The following LRRC37A2 variants were observed in gnomAD, a reference collection of about 807,000 sequenced individuals.
The protein encoded by LRRC37A2 is leucine-rich repeat-containing protein 37A2.
Under a neutral mutation model 68.8 loss-of-function variants are expected in LRRC37A2, and 9 were observed. That is an observed-to-expected ratio of 0.13 (90% CI 0.08 to 0.23). The LOEUF (loss-of-function observed/expected upper bound fraction) is 0.23, where lower values mean the gene tolerates loss of function less well. LRRC37A2 is among the 10% of genes least tolerant of loss of function. The pLI, the probability that LRRC37A2 is intolerant of heterozygous loss-of-function variation, is 1.00. For missense variants in LRRC37A2, 168 were observed against 950.4 expected, an observed-to-expected ratio of 0.18 and a Z score of 10.82; for synonymous variants, 63 against 367.6, an observed-to-expected ratio of 0.17 and a Z score of 9.48.
At chr17:46,782,811 C>T in the LRRC37A2 span, among the ~76,000 whole-genome samples, 2 of 152,354 alleles carry the variant, frequency 1.3e-5, no homozygotes, top group African/African-American at 4.8e-5. Context: ...AGAAACCTAG[C>T]TCAGGATTCC....
the LRRC37A2 span, among the ~76,000 whole-genome samples, chr17:46,491,043 C>T: frequency 3.1e-4 from 47 of 150,600 alleles, no homozygotes; most frequent in Admixed American, 5.9e-4. Context: ...TACAGGTGCT[C>T]GCTGCCACAC....
At chr17:46,906,888 C>A in the LRRC37A2 span, among the ~76,000 whole-genome samples, 2 of 152,118 alleles carry the variant, frequency 1.3e-5, no homozygotes, top group African/African-American at 4.8e-5. Flanking sequence ...CAGATGTGTG[C>A]CAGGCACTGT....
the LRRC37A2 span, among the ~76,000 whole-genome samples, chr17:46,878,993 C>T: frequency 6.6e-6 from 1 of 152,196 alleles, no homozygotes; most frequent in Non-Finnish European, 1.5e-5. Flanking sequence ...AGACCCACCT[C>T]GGCCCTCTTG....
the LRRC37A2 span, chr17:47,018,508 C>T: frequency 3.3e-6 from 5 of 1,521,458 alleles, no homozygotes; most frequent in Non-Finnish European, 4.6e-6. Flanking sequence ...CAGCAGGCTA[C>T]AGCTCAGCTC....
chr17:47,018,311 C>G, the LRRC37A2 span: 1 of 1,610,950 alleles, frequency 6.2e-7, no homozygotes, highest in Admixed American at 1.7e-5. Context: ...CTGGGGAGGT[C>G]GAATCTTCTC....
the LRRC37A2 span, among the ~76,000 whole-genome samples, chr17:46,850,140 G>GT: frequency 6.6e-6 from 1 of 152,284 alleles, no homozygotes; most frequent in East Asian, 1.9e-4. Flanking sequence ...ATGAGCCAAC[G>GT]TGCCTGGCCA....
the LRRC37A2 span, among the ~76,000 whole-genome samples, chr17:46,754,907 C>T: frequency 2.6e-5 from 4 of 152,212 alleles, no homozygotes; most frequent in African/African-American, 9.6e-5. Context: ...GTTGAATTAA[C>T]CTCAACTTGG....
the LRRC37A2 span, among the ~76,000 whole-genome samples, chr17:46,779,104 C>CACACACACACACACACACACACACACA: frequency 2.3e-5 from 3 of 130,832 alleles, no homozygotes; most frequent in Non-Finnish European, 4.5e-5. Context: ...CACACACACA[C>CACACACACACACACACACACACACACA]CCCAGCCCAC....
the LRRC37A2 span, among the ~76,000 whole-genome samples, chr17:46,739,370 CAAAAAAAAA>C: frequency 3.8e-5 from 2 of 53,192 alleles, no homozygotes; most frequent in Admixed American, 3.5e-4. Flanking sequence ...GACTCTGTCT[CAAAAAAAAA>C]AAAAAAAAAA....
chr17:46,798,424 T>C, the LRRC37A2 span, among the ~76,000 whole-genome samples: 2 of 152,234 alleles, frequency 1.3e-5, no homozygotes, highest in Non-Finnish European at 2.9e-5. Context: ...ATTGTTCTCT[T>C]GTATATGTCA....
chr17:46,966,247 T>C, the LRRC37A2 span, among the ~76,000 whole-genome samples: 2 of 152,150 alleles, frequency 1.3e-5, no homozygotes, highest in Non-Finnish European at 2.9e-5. Flanking sequence ...ATTTAAAAAA[T>C]GTAATTGAGA....
chr17:46,834,338 C>T, the LRRC37A2 span, among the ~76,000 whole-genome samples: 7 of 152,100 alleles, frequency 4.6e-5, no homozygotes, highest in African/African-American at 1.4e-4. Context: ...TGGGTCTGAT[C>T]GCAGGAGGGA....
chr17:46,767,370 T>A, the LRRC37A2 span, among the ~76,000 whole-genome samples: 1 of 152,190 alleles, frequency 6.6e-6, no homozygotes, highest in Non-Finnish European at 1.5e-5. Flanking sequence ...TGTCAGGATA[T>A]GGGCTTATAT....
At chr17:46,833,796 T>G in the LRRC37A2 span, among the ~76,000 whole-genome samples, 6 of 152,276 alleles carry the variant, frequency 3.9e-5, no homozygotes, top group South Asian at 1.2e-3. Flanking sequence ...TGCTGGGGGC[T>G]CCTGATCGGG....
At chr17:46,778,065 A>G in the LRRC37A2 span, among the ~76,000 whole-genome samples, 10 of 152,180 alleles carry the variant, frequency 6.6e-5, no homozygotes. Context: ...TAAGTGACAC[A>G]ATCCAGTGCA....
chr17:46,978,632 A>T, the LRRC37A2 span: 1 of 1,579,794 alleles, frequency 6.3e-7, no homozygotes, highest in South Asian at 1.2e-5. Context: ...GCGAGGGCGG[A>T]CCCAGATGGC....
At chr17:46,829,405 G>A in the LRRC37A2 span, among the ~76,000 whole-genome samples, 1 of 152,194 alleles carries the variant, frequency 6.6e-6, no homozygotes, top group Admixed American at 6.5e-5. Context: ...CCTGACCTCA[G>A]GTGATCTACC....
At chr17:46,967,355 C>T in the LRRC37A2 span, among the ~76,000 whole-genome samples, 3 of 152,232 alleles carry the variant, frequency 2.0e-5, no homozygotes, top group African/African-American at 7.2e-5. Context: ...AGAGTTAATA[C>T]ATGAACAGAG....
the LRRC37A2 span, among the ~76,000 whole-genome samples, chr17:46,993,248 A>ATG: frequency 1.3e-5 from 2 of 152,198 alleles, no homozygotes; most frequent in African/African-American, 4.8e-5. Flanking sequence ...CAGGTCACTC[A>ATG]TGTGTGCAGC....
Sources: allele counts gnomAD v4.1 joint callset (sites outside exome capture counted in the v4.1 genomes callset), GRCh38; gene constraint gnomAD v4.1.1; transcripts MANE v1.5; gene names NCBI Gene and HGNC (gene_info 2026-07-23, HGNC 2026-07-21).